KAZN: variants seen among roughly 807,000 people sequenced by gnomAD.
KAZN encodes the protein kazrin, periplakin interacting protein, also known as kazrin.
A neutral mutation model predicts 87.4 loss-of-function variants in KAZN; 40 were observed. That is an observed-to-expected ratio of 0.46 (90% confidence interval 0.36 to 0.60). KAZN has a LOEUF of 0.60. Among genes scored for constraint, KAZN ranks in the 20% least tolerant of loss-of-function variants. KAZN has a pLI of 0.00. For missense variants in KAZN, 898 were observed against 1,073.9 expected (o/e 0.84, Z 2.29); for synonymous variants, 466 against 458.3 (o/e 1.02, Z -0.22).
chr1:14,358,674 G>T (rs1395261848), intron 2 of KAZN, among the ~76,000 whole-genome samples: 2 of 152,022 alleles, frequency 1.3e-5, no homozygotes, highest in African/African-American at 2.4e-5. Flanking sequence ...CCTTAATTTT[G>T]TTATTTACCC....
rs116632685 is a variant in KAZN, at chr1:15,030,920, G to A, written c.419-3829G>A. On this transcript the variant is annotated intron_variant, in intron 2 of 14. Coordinates refer to ENST00000376030, the MANE Select transcript of KAZN (RefSeq NM_201628.3). ...GAGACCTGGGGTCCCCACTGCGTGG[G>A]CCTCCTCCCCGTGGTGACATGGCCC... Among the ~76,000 whole-genome samples, 1,449 of 152,342 alleles carry A rather than the reference G, an allele frequency of 9.5e-3. 15 individuals are homozygous for A. The highest frequency in any genetic ancestry group is 0.024 in the Middle Eastern group (7 of 294).
intron 2 of KAZN, among the ~76,000 whole-genome samples, chr1:14,561,274 G>A (rs1339333245): frequency 1.3e-5 from 2 of 152,194 alleles, no homozygotes; most frequent in African/African-American, 4.8e-5. Context: ...TTCCGAGTGG[G>A]TAAACACTCT....
intron 1 of KAZN, among the ~76,000 whole-genome samples, chr1:14,613,480 A>G (rs1002766583): frequency 2.0e-5 from 3 of 152,216 alleles, no homozygotes; most frequent in Admixed American, 1.3e-4. Context: ...TTCCCACTGA[A>G]TAGTGATTCC....
intron 1 of KAZN, among the ~76,000 whole-genome samples, chr1:14,149,104 CT>C (rs57657728): frequency 3.6e-4 from 25 of 69,592 alleles, no homozygotes; most frequent in Admixed American, 1.1e-3. Context: ...TCTTTCTTTC[CT>C]TTTTTTTTTT....
intron 2 of KAZN, among the ~76,000 whole-genome samples, chr1:14,236,856 C>G (rs1648474664): frequency 6.6e-6 from 1 of 152,082 alleles, no homozygotes; most frequent in Admixed American, 6.6e-5. Flanking sequence ...CCCAGAAAGT[C>G]AAGGCTTCCA....
chr1:14,509,484 T>C (rs1670788919), intron 2 of KAZN, among the ~76,000 whole-genome samples: 1 of 152,166 alleles, frequency 6.6e-6, no homozygotes, highest in Non-Finnish European at 1.5e-5. Context: ...CCTTTACGCA[T>C]GTGAAGCCTC....
At chr1:14,706,100 G>A (rs1252114494) in intron 1 of KAZN, among the ~76,000 whole-genome samples, 1 of 152,154 alleles carries the variant, frequency 6.6e-6, no homozygotes. Context: ...GCATGCAAGG[G>A]ATCTAGGTTG....
intron 1 of KAZN, chr1:14,924,029 C>T (rs1658844360): frequency 8.6e-6 from 7 of 814,666 alleles, no homozygotes; most frequent in Non-Finnish European, 1.0e-5. Context: ...GGCACTGGGG[C>T]CAGTCTGGGC....
At chr1:14,080,744 C>T (rs1643643764) in intron 1 of KAZN, among the ~76,000 whole-genome samples, 1 of 152,194 alleles carries the variant, frequency 6.6e-6, no homozygotes, top group South Asian at 2.1e-4. Context: ...TATTGTGTAT[C>T]TGCTCGGAAT....
At chr1:14,166,202 C>T (rs1645823417) in intron 1 of KAZN, among the ~76,000 whole-genome samples, 1 of 152,194 alleles carries the variant, frequency 6.6e-6, no homozygotes. Context: ...GTAATCCCAG[C>T]TACCCAGGAG....
intron 1 of KAZN, among the ~76,000 whole-genome samples, chr1:13,911,799 A>G (rs943406183): frequency 6.6e-6 from 1 of 152,186 alleles, no homozygotes; most frequent in African/African-American, 2.4e-5. Context: ...GCAGCTTGGC[A>G]GAAAGGGAAG....
At chr1:15,060,018 G>A (rs1277201281) in intron 5 of KAZN, among the ~76,000 whole-genome samples, 154 bp from the exon 6 acceptor site, 1 of 152,190 alleles carries the variant, frequency 6.6e-6, no homozygotes, top group Non-Finnish European at 1.5e-5. Flanking sequence ...GAGCTGTGGA[G>A]TAGGGGGTTG....
At chr1:14,001,078 G>A (rs895367926) in intron 1 of KAZN, among the ~76,000 whole-genome samples, 7 of 151,988 alleles carry the variant, frequency 4.6e-5, no homozygotes, top group South Asian at 4.2e-4. Context: ...CACCACGCCC[G>A]GCCGACATGA....
intron 1 of KAZN, among the ~76,000 whole-genome samples, chr1:14,650,030 ATCTTTTTT>A (rs1474468555): frequency 1.0e-5 from 1 of 98,446 alleles, no homozygotes; most frequent in African/African-American, 3.9e-5. Flanking sequence ...CCCTCCACCC[ATCTTTTTT>A]TTTTTTTTTT....
intron 1 of KAZN, among the ~76,000 whole-genome samples, chr1:13,893,968 G>A (rs1482298450): frequency 6.6e-6 from 1 of 152,212 alleles, no homozygotes; most frequent in Non-Finnish European, 1.5e-5. Context: ...GACTTGCCAT[G>A]AGACAACGCG....
intron 1 of KAZN, among the ~76,000 whole-genome samples, chr1:13,992,293 AT>A (rs145129683): frequency 5.0e-4 from 76 of 151,526 alleles, no homozygotes; most frequent in African/African-American, 1.5e-3. Flanking sequence ...ATGAATCTTT[AT>A]TTTTTTTTCT....
chr1:14,714,801 T>A (rs1642698644), intron 1 of KAZN, among the ~76,000 whole-genome samples: 1 of 148,484 alleles, frequency 6.7e-6, no homozygotes, highest in Non-Finnish European at 1.5e-5. Flanking sequence ...TTTTTTGTTT[T>A]TTTTTTTTTT....
intron 1 of KAZN, among the ~76,000 whole-genome samples, chr1:14,065,466 C>G (rs1039946687): frequency 4.0e-5 from 6 of 151,698 alleles, no homozygotes; most frequent in Non-Finnish European, 1.5e-5. Flanking sequence ...AAGCTAAAAG[C>G]ATAATTTGAA....
intron 1 of KAZN, among the ~76,000 whole-genome samples, chr1:14,045,485 A>G (rs1410370494): frequency 6.6e-6 from 1 of 152,238 alleles, no homozygotes. Flanking sequence ...GGATCAAATG[A>G]ATATTATATT....
Sources: gnomAD v4.1 joint callset for allele counts (sites outside exome capture counted in the v4.1 genomes callset) on GRCh38, gnomAD v4.1.1 for gene constraint, MANE v1.5 for transcripts, NCBI Gene and HGNC (gene_info 2026-07-23, HGNC 2026-07-21) for gene names.